TEX9: variants seen among roughly 807,000 people sequenced by gnomAD.
The protein encoded by TEX9 is testis-expressed protein 9.
In TEX9, 74 loss-of-function variants were observed where a neutral mutation model predicts 59.6. The ratio of observed to expected loss-of-function variants is 1.24; its 90% confidence interval spans 1.03 to 1.51. TEX9 has a LOEUF of 1.51. Among genes scored for constraint, TEX9 ranks in the 40% most tolerant of loss-of-function variants. The pLI is 0.00. For missense variants in TEX9, 522 were observed against 447.8 expected (o/e 1.17, Z -1.49); for synonymous variants, 186 against 152.2 (o/e 1.22, Z -1.64).
intron 2 of TEX9, among the ~76,000 whole-genome samples, chr15:56,366,395 G>A (rs1446949311): frequency 2.0e-5 from 3 of 152,046 alleles, no homozygotes; most frequent in African/African-American, 7.2e-5. Context: ...TGGCCTTTTA[G>A]TTCCAAAAAC....
chr15:56,388,939 A>G (rs1351641124), intron 5 of TEX9, among the ~76,000 whole-genome samples: 1 of 152,006 alleles, frequency 6.6e-6, no homozygotes, highest in African/African-American at 2.4e-5. Context: ...TATGTTTCCC[A>G]TCCATGGAGA....
intron 9 of TEX9, among the ~76,000 whole-genome samples, chr15:56,406,287 GT>G (rs1262743684): frequency 6.6e-6 from 1 of 152,000 alleles, no homozygotes; most frequent in African/African-American, 2.4e-5. Context: ...ATGTGGTGTG[GT>G]TCATTTCCTT....
chr15:56,298,545 G>A (rs1303739450), intron 1 of TEX9, among the ~76,000 whole-genome samples: 1 of 151,724 alleles, frequency 6.6e-6, no homozygotes, highest in Non-Finnish European at 1.5e-5. Flanking sequence ...CATCTACATT[G>A]GGCCCATATC....
At chr15:56,443,898 T>C (rs1192611252) in intron 12 of TEX9, 2 of 1,351,566 alleles carry the variant, frequency 1.5e-6, no homozygotes, top group Non-Finnish European at 1.0e-6. Context: ...AACAATAAAA[T>C]ATAAAAAAGT....
Position 56,282,378 on chromosome 15 carries a change from C to T in TEX9, c.-107+38100C>T, listed in dbSNP as rs1255810547. Reference sequence around the variant, plus strand: ...ATGGTAAAGCGTACTTGTTTCAAACCCCCAGTAGATAGCATATTTTAAAGT... The same window carrying T: ...ATGGTAAAGCGTACTTGTTTCAAACTCCCAGTAGATAGCATATTTTAAAGT... On this transcript the variant is annotated intron_variant, in intron 1 of 5. Coordinates refer to the TEX9 transcript ENST00000560827. 1.3e-5 allele frequency among the ~76,000 whole-genome samples: 2 copies of T among 151,972 alleles called. 1 individual carries two copies. Among genetic ancestry groups the T allele is most frequent in the African/African-American group, 4.8e-5 (2 of 41,374 alleles).
At chr15:56,302,320 TACACACACACACACACACAC>T (rs56766153) in intron 1 of TEX9, among the ~76,000 whole-genome samples, 5 of 135,784 alleles carry the variant, frequency 3.7e-5, no homozygotes, top group African/African-American at 1.4e-4. Flanking sequence ...AGACACTGTT[TACACACACACACACACACAC>T]ACACACACAC....
At chr15:56,293,025 G>A (rs2045132961) in intron 1 of TEX9, among the ~76,000 whole-genome samples, 1 of 152,138 alleles carries the variant, frequency 6.6e-6, no homozygotes, top group South Asian at 2.1e-4. Flanking sequence ...CTACTTCTAA[G>A]CGATCATGAC....
intron 1 of TEX9, among the ~76,000 whole-genome samples, chr15:56,313,180 A>G (rs1431423279): frequency 1.3e-5 from 2 of 150,600 alleles, no homozygotes; most frequent in African/African-American, 4.9e-5. Flanking sequence ...TTCCAACACT[A>G]TGTTGAATAG....
intron 2 of TEX9, among the ~76,000 whole-genome samples, chr15:56,372,763 A>C (rs1596133487): frequency 6.6e-6 from 1 of 152,204 alleles, no homozygotes; most frequent in East Asian, 1.9e-4. Context: ...TTCGTTTAAA[A>C]ACAATTTTTT....
intron 12 of TEX9, chr15:56,428,517 T>G (rs1554410): frequency 0.41 from 415,691 of 1,013,892 alleles, 89,639 homozygotes; most frequent in Non-Finnish European, 0.45. Flanking sequence ...TGGTTTGAAT[T>G]ATTTTTATTC....
intron 1 of TEX9, among the ~76,000 whole-genome samples, chr15:56,287,484 CCAAA>C (rs1456306575): frequency 2.0e-5 from 3 of 152,110 alleles, no homozygotes; most frequent in East Asian, 3.9e-4. Flanking sequence ...CATAGAATGG[CCAAA>C]CAAAGCTATT....
At chr15:56,313,346 T>C (rs2045671296) in intron 1 of TEX9, among the ~76,000 whole-genome samples, 1 of 77,024 alleles carries the variant, frequency 1.3e-5, no homozygotes, top group African/African-American at 4.1e-5. Flanking sequence ...TTATTGAGAG[T>C]TTTTAGCATG....
chr15:56,271,783 T>C (rs1257663419), intron 1 of TEX9, among the ~76,000 whole-genome samples: 1 of 152,252 alleles, frequency 6.6e-6, no homozygotes, highest in Non-Finnish European at 1.5e-5. Context: ...TAGTCAAGTC[T>C]CTTTTTAATT....
intron 2 of TEX9, among the ~76,000 whole-genome samples, chr15:56,372,833 C>T (rs2047251794): frequency 6.6e-6 from 1 of 152,040 alleles, no homozygotes; most frequent in African/African-American, 2.4e-5. Context: ...TATTTCTATT[C>T]TTGCTAGATT....
the TEX9 span, among the ~76,000 whole-genome samples, chr15:56,459,174 C>A: frequency 6.6e-6 from 1 of 152,192 alleles, no homozygotes; most frequent in African/African-American, 2.4e-5. Flanking sequence ...CATGGATTTG[C>A]ATATTCTGGA....
At chr15:56,293,980 T>C (rs1386803756) in intron 1 of TEX9, among the ~76,000 whole-genome samples, 2 of 152,228 alleles carry the variant, frequency 1.3e-5, no homozygotes, top group Non-Finnish European at 2.9e-5. Flanking sequence ...ATGAGGGTAT[T>C]TGGGGAACCC....
chr15:56,365,253 G>A (rs1016765383), upstream of TEX9, among the ~76,000 whole-genome samples: 2 of 152,206 alleles, frequency 1.3e-5, no homozygotes, highest in Admixed American at 1.3e-4. Context: ...TTTGCAGTTA[G>A]GAAGCCTTCC....
intron 2 of TEX9, among the ~76,000 whole-genome samples, chr15:56,370,007 G>C (rs1278787424): frequency 6.6e-6 from 1 of 151,968 alleles, no homozygotes; most frequent in African/African-American, 2.4e-5. Context: ...TTCAAACTTT[G>C]TATGTCATTT....
At chr15:56,381,939 C>G (rs1208100842) in intron 3 of TEX9, among the ~76,000 whole-genome samples, 1 of 152,232 alleles carries the variant, frequency 6.6e-6, no homozygotes, top group African/African-American at 2.4e-5. Flanking sequence ...TCCTTCCCTT[C>G]AGGGTAGCGA....
Sources: allele counts gnomAD v4.1 joint callset (sites outside exome capture counted in the v4.1 genomes callset), GRCh38; gene constraint gnomAD v4.1.1; transcripts MANE v1.5; gene names NCBI Gene and HGNC (gene_info 2026-07-23, HGNC 2026-07-21).